CBX1: variants seen among roughly 807,000 people sequenced by gnomAD.
CBX1 encodes chromobox protein homolog 1.
Under a neutral mutation model 25.1 loss-of-function variants are expected in CBX1, and 10 were observed. The observed-to-expected ratio is 0.40, with a 90% CI of 0.25 to 0.68. The LOEUF (loss-of-function observed/expected upper bound fraction) is 0.68. Among genes scored for constraint, CBX1 ranks in the 30% least tolerant of loss-of-function variants. The pLI, the probability that CBX1 is intolerant of heterozygous loss-of-function variation, is 0.40. For missense variants in CBX1, 106 were observed against 218.5 expected (o/e 0.49, Z 3.25); for synonymous variants, 63 against 79.4 (o/e 0.79, Z 1.10).
chr17:48,075,206 T>C (rs1019034389), intron 3 of CBX1, 106 bp from the exon 4 acceptor site: 21 of 808,296 alleles, frequency 2.6e-5, no homozygotes, highest in Non-Finnish European at 3.7e-5. Context: ...TCTTTTTTTT[T>C]TTTTTTGAGA....
chr17:48,095,534 G>A (rs528479391), intron 1 of CBX1, among the ~76,000 whole-genome samples: 1 of 152,286 alleles, frequency 6.6e-6, no homozygotes, highest in South Asian at 2.1e-4. Flanking sequence ...TCCAGCCTGG[G>A]CAACAAGAAC....
At chr17:48,089,675 T>C (rs1176806500) in intron 1 of CBX1, among the ~76,000 whole-genome samples, 1 of 145,194 alleles carries the variant, frequency 6.9e-6, no homozygotes, top group African/African-American at 2.5e-5. Context: ...AATACAAAAT[T>C]AGCTGGGCGT....
At chr17:48,090,626 T>C (rs1177088689) in intron 1 of CBX1, among the ~76,000 whole-genome samples, 1 of 152,194 alleles carries the variant, frequency 6.6e-6, no homozygotes, top group African/African-American at 2.4e-5. Context: ...ATCTATCTCT[T>C]CACATCATTA....
intron 1 of CBX1, among the ~76,000 whole-genome samples, chr17:48,089,197 T>C (rs1191218879): frequency 6.7e-6 from 1 of 149,606 alleles, no homozygotes; most frequent in Non-Finnish European, 1.5e-5. Flanking sequence ...ACCTCCCAGG[T>C]TCACGCCATT....
intron 1 of CBX1, among the ~76,000 whole-genome samples, chr17:48,085,851 A>C (rs542880617): frequency 3.4e-4 from 52 of 152,260 alleles, no homozygotes; most frequent in African/African-American, 1.3e-3. Flanking sequence ...AGAATCACCT[A>C]AGGTCAGGAG....
At chr17:48,092,343 C>T (rs1314386104) in intron 1 of CBX1, among the ~76,000 whole-genome samples, 2 of 151,778 alleles carry the variant, frequency 1.3e-5, no homozygotes, top group Non-Finnish European at 2.9e-5. Flanking sequence ...ATTAGCGAGG[C>T]ACTGTGGCTC....
Position 48,088,941 on chromosome 17 carries a change from A to C in CBX1, c.-37-11900T>G, listed in dbSNP as rs528708134. 7.9e-5 allele frequency among the ~76,000 whole-genome samples: 12 copies of C among 152,008 alleles called. No individual in the cohort carries two copies. The South Asian group carries it at 2.3e-3, about 29-fold the overall frequency. On this transcript the variant is annotated intron_variant, in intron 1 of 4. Coordinates refer to ENST00000225603, the MANE Select transcript of CBX1 (RefSeq NM_001127228.2). ...CAGCGAGCCAAAATCACACCACTGC[A>C]CTCCAGCCTGGGCGACACAGCAAGA...
At chr17:48,073,399 G>A (rs2037644135) in intron 4 of CBX1, among the ~76,000 whole-genome samples, 1 of 152,102 alleles carries the variant, frequency 6.6e-6, no homozygotes, top group African/African-American at 2.4e-5. Flanking sequence ...AACACCCTCT[G>A]AGTTAAATTT....
chr17:48,100,449 T>C (rs1025289182), intron 1 of CBX1: 1 of 152,398 alleles, frequency 6.6e-6, no homozygotes, highest in Non-Finnish European at 1.5e-5. Context: ...TGGACTTTTT[T>C]AACTCCCCAA....
chr17:48,087,952 A>C lies in CBX1; in HGVS notation c.-37-10911T>G, dbSNP rs565021483. Among the ~76,000 whole-genome samples, 3 of 152,138 alleles carry C rather than the reference A, an allele frequency of 2.0e-5. No individual in the cohort carries two copies. The South Asian group carries it at 6.2e-4, about 32-fold the overall frequency. ...CCCACTCCACAGCGAATACATGAGGAAGTGGTGTTTTTAAAGCAGTTAATT... is the reference window on the plus strand; with the variant it reads ...CCCACTCCACAGCGAATACATGAGGCAGTGGTGTTTTTAAAGCAGTTAATT... On this transcript the variant is annotated intron_variant, in intron 1 of 4. Coordinates refer to ENST00000225603, the MANE Select transcript of CBX1 (RefSeq NM_001127228.2).
At chr17:48,089,892 T>C (rs1340749072) in intron 1 of CBX1, among the ~76,000 whole-genome samples, 1 of 151,558 alleles carries the variant, frequency 6.6e-6, no homozygotes, top group Non-Finnish European at 1.5e-5. Context: ...AAATTCTGGA[T>C]ACAAACAGAA....
At chr17:48,082,204 TA>T (rs891451381) in intron 1 of CBX1, among the ~76,000 whole-genome samples, 2 of 151,736 alleles carry the variant, frequency 1.3e-5, no homozygotes, top group Non-Finnish European at 2.9e-5. Flanking sequence ...AGACTGTCTT[TA>T]AAAAAATGAT....
At chr17:48,077,430 GTTGT>G (rs1367336954) in intron 1 of CBX1, among the ~76,000 whole-genome samples, 5 of 56,456 alleles carry the variant, frequency 8.9e-5, no homozygotes, top group South Asian at 1.3e-3. Context: ...GCTAATTTTT[GTTGT>G]TTTTTTTTTT....
At chr17:48,079,192 G>A (rs1291168146) in intron 1 of CBX1, among the ~76,000 whole-genome samples, 1 of 151,614 alleles carries the variant, frequency 6.6e-6, no homozygotes, top group Non-Finnish European at 1.5e-5. Flanking sequence ...TGCAACCTCC[G>A]CCACCTGGGT....
At chr17:48,082,134 A>C (rs969394835) in intron 1 of CBX1, among the ~76,000 whole-genome samples, 1 of 151,972 alleles carries the variant, frequency 6.6e-6, no homozygotes, top group Non-Finnish European at 1.5e-5. Context: ...TAAGCACAGG[A>C]GGTTGAGGCT....
intron 1 of CBX1, 58 bp from the exon 2 acceptor site, chr17:48,077,099 T>C (rs1481908110): frequency 7.3e-7 from 1 of 1,365,256 alleles, no homozygotes; most frequent in Admixed American, 2.3e-5. Flanking sequence ...GGTTAGATAA[T>C]ATCTGGATGG....
rs1176173688 is a variant in CBX1 at position 48,080,919 on chromosome 17, C to CAAA, written c.-37-3881_-37-3879dup. On this transcript the variant is annotated intron_variant, in intron 1 of 4. Coordinates refer to ENST00000225603, the MANE Select transcript of CBX1 (RefSeq NM_001127228.2). ...CTGGTGACAGAGCGAGACTCCATCTCAAAAAAAAAAAAAAAAAAAAAAAAA... is the reference window on the plus strand; with the variant it reads ...CTGGTGACAGAGCGAGACTCCATCTCAAAAAAAAAAAAAAAAAAAAAAAAAAAA... Among the ~76,000 whole-genome samples the CAAA allele has an allele frequency of 1.7e-4, 2 of 11,550 alleles. 1 individual carries two copies. The highest frequency in any genetic ancestry group is 2.8e-4 in the Non-Finnish European group (2 of 7,092). 7.6% of individuals were successfully genotyped at this position (11,550 alleles called of 152,430 possible). A position where few individuals can be genotyped will look rare whatever the true frequency, so the allele number is the denominator to read the frequency against.
rs1390319526 is a variant in CBX1 at position 48,076,065 on chromosome 17, C to T, written c.254G>A (p.Arg85His). 7.4e-6 allele frequency: 12 copies of T among 1,613,128 alleles called. No individual in the cohort carries two copies. The South Asian group carries it at 7.7e-5, about 10-fold the overall frequency. ...HETDKSEGGK[R>H]KADSDSEDKG... is the part of the protein sequence containing the mutation. Reference sequence around the variant, plus strand: ...ATCTTCAGAATCAGAATCAGCTTTGCGCTTGCCTCCCTCTGATTTATCTGT... The same window carrying T: ...ATCTTCAGAATCAGAATCAGCTTTGTGCTTGCCTCCCTCTGATTTATCTGT... The change falls in exon 3 of 5, where the codon CGC (arginine) becomes CAC (histidine). Residue 85 changes from arginine (R) to histidine (H), a missense_variant. Transcript: ENST00000225603.
chr17:48,099,221 G>A (rs1203514921), intron 1 of CBX1, among the ~76,000 whole-genome samples: 1 of 152,144 alleles, frequency 6.6e-6, no homozygotes, highest in African/African-American at 2.4e-5. Flanking sequence ...TCCTGCCTCA[G>A]CCTCCCGAGT....
Sources: gnomAD v4.1 joint callset for allele counts (sites outside exome capture counted in the v4.1 genomes callset) on GRCh38, gnomAD v4.1.1 for gene constraint, MANE v1.5 for transcripts, NCBI Gene and HGNC (gene_info 2026-07-23, HGNC 2026-07-21) for gene names.